MGAM: variants seen among roughly 807,000 people sequenced by gnomAD.
The protein encoded by MGAM is maltase-glucoamylase, also known as alpha-1,4-glucosidase.
Under a neutral mutation model 358.8 loss-of-function variants are expected in MGAM, and 253 were observed. That is an observed-to-expected ratio of 0.71 (90% CI 0.64 to 0.78). MGAM has a LOEUF of 0.78. Among genes scored for constraint, MGAM ranks in the 30% least tolerant of loss-of-function variants. The probability of loss-of-function intolerance (pLI) is 0.00; values close to 1 mark genes in which losing one functional copy is unlikely to be tolerated. For synonymous variants in MGAM, 1,105 were observed against 1,227.1 expected (o/e 0.90, Z 2.08); for missense variants, 3,080 against 3,432.6 (o/e 0.90, Z 2.57).
intron 10 of MGAM, 28 bp downstream of exon 10, chr7:142,027,763 A>G (rs1807109992): frequency 1.3e-6 from 2 of 1,502,930 alleles, no homozygotes; most frequent in East Asian, 2.3e-5. Flanking sequence ...CAGTTCTCCA[A>G]AAGTAAAGAA....
chr7:142,096,332 T>C lies in MGAM; in HGVS notation c.7609T>C (p.Phe2537Leu). ...GGGCACCTTCATTTCCCTTTCCAGG[T>C]TTGTGTCAGACCAGGTGACATGGGA... ...VTVVRPLLHE[F>L]VSDQVTWDID... Residue 2537 changes from phenylalanine (F) to leucine (L), a missense_variant and splice_region_variant, in exon 65 of 71, where the codon TTT (phenylalanine) becomes CTT (leucine). Physicochemically the swap from Phe to Leu is conservative, Grantham distance 22. This residue lies in a region of MGAM where 932 missense variants were observed against 1,198.2 expected (regional missense o/e 0.78). Coordinates refer to ENST00000475668, the MANE Select transcript of MGAM (RefSeq NM_001365693.1). 1 of 1,612,834 alleles carries C rather than the reference T, an allele frequency of 6.2e-7. No individual in the cohort carries two copies. The highest frequency in any genetic ancestry group is 8.5e-7 in the Non-Finnish European group (1 of 1,178,942).
chr7:142,079,693 T>G lies in MGAM; in HGVS notation c.5847+685T>G, dbSNP rs1336267470. ...ATAGGAATGTGCCCTTTCCTCTTTG[T>G]GCTTCTGAAGTCTAATACAGAGCCT... On this transcript the variant is annotated intron_variant, in intron 49 of 70. Coordinates refer to ENST00000475668, the MANE Select transcript of MGAM (RefSeq NM_001365693.1). Among the ~76,000 whole-genome samples the G allele has an allele frequency of 2.7e-5, 4 of 146,436 alleles. No individual in the cohort carries two copies. In the East Asian group the frequency reaches 8.0e-4, roughly 29 times the overall value.
intron 3 of MGAM, among the ~76,000 whole-genome samples, chr7:142,018,778 A>G (rs1452882200): frequency 6.6e-6 from 1 of 152,188 alleles, no homozygotes; most frequent in Non-Finnish European, 1.5e-5. Flanking sequence ...AAAAGTCAAA[A>G]CAACATTAGT....
intron 44 of MGAM, among the ~76,000 whole-genome samples, chr7:142,071,747 C>T (rs936543188): frequency 6.9e-6 from 1 of 145,874 alleles, no homozygotes; most frequent in African/African-American, 2.4e-5. Flanking sequence ...TTTCTTTTCT[C>T]CCGCTAAGAG....
chr7:142,008,253 C>T (rs1412443975), intron 2 of MGAM, among the ~76,000 whole-genome samples: 5 of 152,254 alleles, frequency 3.3e-5, no homozygotes, highest in Non-Finnish European at 5.9e-5. Flanking sequence ...AGTCTAAAGG[C>T]GGAGTCCTTG....
Position 142,065,960 on chromosome 7 carries a change from TTTGTTTTG to T in MGAM, c.4770+132_4770+139del, listed in dbSNP as rs1253650669. The T allele has an allele frequency of 1.8e-5, 14 of 776,838 alleles. No homozygotes were observed. The African/African-American group carries it at 2.1e-4, about 12-fold the overall frequency. 48.1% of individuals were successfully genotyped at this position (776,838 alleles called of 1,614,324 possible). A position where few individuals can be genotyped will look rare whatever the true frequency, so the allele number is the denominator to read the frequency against. On this transcript the variant is annotated intron_variant, in intron 40 of 70. Coordinates refer to ENST00000475668, the MANE Select transcript of MGAM (RefSeq NM_001365693.1). ...AAAAAGGTGTTTTTTTTTGTTTTGTTTTGTTTTGTTTTTTTTTTTGAAACAGGGATTTA... is the reference window on the plus strand; with the variant it reads ...AAAAAGGTGTTTTTTTTTGTTTTGTTTTTTTTTTTTTGAAACAGGGATTTA...
chr7:142,014,781 T>C (rs1204965616), intron 3 of MGAM, among the ~76,000 whole-genome samples: 1 of 152,146 alleles, frequency 6.6e-6, no homozygotes, highest in Non-Finnish European at 1.5e-5. Context: ...TGTTGATAGA[T>C]ATCTCTAGTT....
intron 69 of MGAM, 118 bp from the exon 70 acceptor site, chr7:142,103,151 A>G: frequency 1.2e-6 from 1 of 845,222 alleles, no homozygotes; most frequent in South Asian, 1.8e-5. Flanking sequence ...ATCCAAAGTT[A>G]CAAGATGGTG....
At chr7:142,086,043 T>C (rs1814722467) in intron 55 of MGAM, 82 bp downstream of exon 55, 2 of 1,507,918 alleles carry the variant, frequency 1.3e-6, no homozygotes, top group Non-Finnish European at 1.8e-6. Flanking sequence ...TTTATTTCCA[T>C]GTTGCAAGTA....
Position 142,062,627 on chromosome 7 carries a change from G to T in MGAM, c.4182G>T (p.Trp1394Cys). Residue 1394 changes from tryptophan to cysteine, a missense_variant, in exon 35 of 71, where the codon TGG (tryptophan) becomes TGT (cysteine). Physicochemically the swap from Trp to Cys is radical, Grantham distance 215. Coordinates refer to ENST00000475668, the MANE Select transcript of MGAM (RefSeq NM_001365693.1). ...DFFRNSTAKW[W>C]KREIEELYNN... ...TCCGTAATTCAACTGCCAAGTGGTG[G>T]AAGAGGGAAATAGAAGAACTATACA... 1 of 1,612,692 alleles carries T rather than the reference G, an allele frequency of 6.2e-7. No individual in the cohort carries two copies. The highest frequency in any genetic ancestry group is 8.5e-7 in the Non-Finnish European group (1 of 1,179,008).
chr7:141,991,013 A>G (rs571154264), upstream of MGAM, among the ~76,000 whole-genome samples: 69 of 152,270 alleles, frequency 4.5e-4, no homozygotes, highest in African/African-American at 1.6e-3. Flanking sequence ...ACGCTCATCT[A>G]TATTTCAGTG....
intron 24 of MGAM, among the ~76,000 whole-genome samples, chr7:142,051,287 T>G (rs188048069): frequency 6.8e-4 from 103 of 152,088 alleles, no homozygotes; most frequent in African/African-American, 2.1e-3. Context: ...GTTACCAACT[T>G]GATTTAATTC....
At chr7:142,060,616 T>C (rs1369486976) in intron 34 of MGAM, among the ~76,000 whole-genome samples, 5 of 152,276 alleles carry the variant, frequency 3.3e-5, no homozygotes, top group Non-Finnish European at 5.9e-5. Flanking sequence ...TTAAATTATT[T>C]GTTCACAGTT....
intron 29 of MGAM, among the ~76,000 whole-genome samples, chr7:142,056,364 G>A (rs1421899021): frequency 1.3e-5 from 2 of 152,178 alleles, no homozygotes; most frequent in Non-Finnish European, 2.9e-5. Context: ...AGGGCAGCTC[G>A]TGAGAGCCAG....
At chr7:141,992,049 G>A (rs962135130), upstream of MGAM, among the ~76,000 whole-genome samples, 4 of 152,124 alleles carry the variant, frequency 2.6e-5, no homozygotes, top group Non-Finnish European at 4.4e-5. Flanking sequence ...CTGATTTGGG[G>A]TCGAATGAGA....
intron 1 of MGAM, among the ~76,000 whole-genome samples, chr7:142,003,799 C>G (rs371639342): frequency 2.2e-4 from 33 of 151,950 alleles, no homozygotes; most frequent in African/African-American, 8.0e-4. Flanking sequence ...AACAGTGTAT[C>G]TGACAAAGGG....
In MGAM at chr7:142,052,409, C is replaced by G. The variant is rs372426741; in HGVS notation, c.2921C>G (p.Ser974Cys). 1.9e-6 allele frequency: 3 copies of G among 1,613,326 alleles called. No individual in the cohort carries two copies. The African/African-American group carries it at 4.0e-5, about 22-fold the overall frequency. ...TGTTACCCTGATGAGAATGGTGCTT[C>G]TGCCGAAAACTGCACTGCCCGTGGC... Reference protein sequence around the residue: ...IDCYPDENGASAENCTARGCI... With the variant: ...IDCYPDENGACAENCTARGCI... The change falls in exon 25 of 71, where the codon TCT becomes TGT. Residue 974 changes from serine to cysteine, a missense_variant. Coordinates refer to ENST00000475668, the MANE Select transcript of MGAM (RefSeq NM_001365693.1).
chr7:142,068,265 G>C (rs1224977679), intron 42 of MGAM, among the ~76,000 whole-genome samples: 1 of 141,424 alleles, frequency 7.1e-6, no homozygotes, highest in African/African-American at 2.5e-5. Context: ...CCAAAGAGCT[G>C]GGATTACAGG....
rs1370789817 is a variant in MGAM at position 142,094,758 on chromosome 7, T to C, written c.7353T>C (p.Asp2451=). The C allele has an allele frequency of 1.2e-6, 2 of 1,613,686 alleles. No individual in the cohort carries two copies. The highest frequency in any genetic ancestry group is 1.7e-6 in the Non-Finnish European group (2 of 1,179,862). The change falls in exon 63 of 71, where the codon GAT becomes GAC. Residue 2451 remains aspartate, a synonymous_variant. Transcript: ENST00000475668. ...SLFGISYTGA[D]ICGFFQDAEY... ...TCCTCTTGTTTCAGACGGGAGCAGATATCTGTGGGTTCTTTCAAGATGCTG... is the reference window on the plus strand; with the variant it reads ...TCCTCTTGTTTCAGACGGGAGCAGACATCTGTGGGTTCTTTCAAGATGCTG...
Sources: gnomAD v4.1 joint callset for allele counts (sites outside exome capture counted in the v4.1 genomes callset) on GRCh38, gnomAD v4.1.1 for gene constraint, gnomAD v4.1.1 regional missense constraint, MANE v1.5 for transcripts, NCBI Gene and HGNC (gene_info 2026-07-23, HGNC 2026-07-21) for gene names.